USH2A: variants seen among roughly 807,000 people sequenced by gnomAD.
USH2A encodes the protein Usher syndrome 2A (autosomal recessive, mild).
A neutral mutation model predicts 538.9 loss-of-function variants in USH2A; 443 were observed. The ratio of observed to expected loss-of-function variants is 0.82; its 90% CI spans 0.76 to 0.89. USH2A has a LOEUF of 0.89. Ranked by LOEUF, USH2A falls within the 40% of genes least tolerant of loss-of-function variation. The pLI is 0.00. For missense variants in USH2A, 6,633 were observed against 6,324.8 expected (o/e 1.05, Z -1.65); for synonymous variants, 2,413 against 2,273.5 (o/e 1.06, Z -1.75).
intron 4 of USH2A, among the ~76,000 whole-genome samples, chr1:216,329,700 A>G (rs2037816297): frequency 6.6e-6 from 1 of 151,928 alleles, no homozygotes; most frequent in Admixed American, 6.6e-5. Flanking sequence ...CTCTGCTTCC[A>G]ATTTTTCTGC....
At chr1:215,928,507 CCAAT>C (rs1275720084) in intron 38 of USH2A, among the ~76,000 whole-genome samples, 1 of 152,026 alleles carries the variant, frequency 6.6e-6, no homozygotes, top group African/African-American at 2.4e-5. Context: ...AATCTAAAAA[CCAAT>C]CACTTAGACA....
chr1:215,897,416 G>A (rs1665376472), intron 40 of USH2A, among the ~76,000 whole-genome samples: 1 of 152,158 alleles, frequency 6.6e-6, no homozygotes, highest in East Asian at 1.9e-4. Flanking sequence ...GTTGGGTGAG[G>A]TGGCTCACAC....
intron 38 of USH2A, among the ~76,000 whole-genome samples, chr1:215,917,746 C>T (rs1299403242): frequency 4.1e-5 from 5 of 123,066 alleles, no homozygotes; most frequent in Admixed American, 2.2e-4. Flanking sequence ...GAGTTTGAGA[C>T]GAGTCTGAGT....
chr1:216,186,437 C>T (rs2034605952), intron 20 of USH2A, among the ~76,000 whole-genome samples: 1 of 151,814 alleles, frequency 6.6e-6, no homozygotes, highest in Non-Finnish European at 1.5e-5. Flanking sequence ...TCTCTCTTCC[C>T]TTGACTTTTC....
At chr1:215,900,243 G>T in intron 39 of USH2A, 26 bp from the exon 40 acceptor site, 3 of 1,612,236 alleles carry the variant, frequency 1.9e-6, no homozygotes, top group East Asian at 2.2e-5. Flanking sequence ...ATGTCAATTA[G>T]GAAGTTTTCG....
chr1:216,357,707 C>T (rs1053408693), intron 4 of USH2A, among the ~76,000 whole-genome samples: 5 of 152,142 alleles, frequency 3.3e-5, no homozygotes, highest in South Asian at 2.1e-4. Context: ...CACCTTTAAT[C>T]GGCAACTAGA....
Position 215,648,417 on chromosome 1 carries a change from C to G in USH2A, c.14582+111G>C, listed in dbSNP as rs1571929146. On this transcript the variant is annotated intron_variant, in intron 66 of 71. Transcript: ENST00000307340. ...ATAAGCAAGTCCTCCCTGGGGAGTG[C>G]CAGGTAGCTATACAGGTTTGTAGCC... is the stretch of plus-strand genomic sequence containing the variant. The G allele has an allele frequency of 5.3e-6, 6 of 1,141,292 alleles. No individual in the cohort carries two copies. The East Asian group carries it at 1.4e-4, about 27-fold the overall frequency. The allele number at this position is 1,141,292 out of a possible 1,614,324, so 70.7% of individuals were successfully genotyped here. A position where few individuals can be genotyped will look rare whatever the true frequency, so the allele number is the denominator to read the frequency against.
intron 19 of USH2A, 146 bp downstream of exon 19, chr1:216,196,407 T>G: frequency 1.3e-6 from 1 of 785,542 alleles, no homozygotes; most frequent in Non-Finnish European, 2.1e-6. Context: ...GAGGGAGGCT[T>G]GTACACATAA....
chr1:216,277,231 C>T (rs2036687291), intron 11 of USH2A, among the ~76,000 whole-genome samples: 1 of 152,096 alleles, frequency 6.6e-6, no homozygotes. Context: ...TCTCCCAGCC[C>T]CCTCCTCTGG....
chr1:215,974,648 G>A (rs1667580117), intron 35 of USH2A, among the ~76,000 whole-genome samples: 2 of 152,118 alleles, frequency 1.3e-5, no homozygotes, highest in Admixed American at 6.6e-5. Flanking sequence ...CTTCATAGAT[G>A]TTGCTGCAAA....
Position 215,799,068 on chromosome 1 carries a change from G to A in USH2A, c.9797C>T (p.Ser3266Phe). The A allele has an allele frequency of 6.2e-7, 1 of 1,614,028 alleles. No individual in the cohort carries two copies. The highest frequency in any genetic ancestry group is 8.5e-7 in the Non-Finnish European group (1 of 1,179,988). ...GGAGTACGGCATTCTGCCACAGCAG[G>A]AATCACCAATGCCAACAGAAACCCG... The part of the protein sequence containing the change: ...HNRVSVGIGD[S>F]CCGRMPYSTS... Residue 3266 changes from serine (S) to phenylalanine (F), a missense_variant, in exon 50 of 72, where the codon TCC becomes TTC. By Grantham distance (155) the Ser-to-Phe change is radical (BLOSUM62 -2). Coordinates refer to ENST00000307340, the MANE Select transcript of USH2A (RefSeq NM_206933.4).
intron 13 of USH2A, among the ~76,000 whole-genome samples, chr1:216,245,518 A>AGAGAGAGG: frequency 6.8e-6 from 1 of 147,532 alleles, no homozygotes; most frequent in African/African-American, 2.5e-5. Flanking sequence ...AGAGAGAGAG[A>AGAGAGAGG]CAAATGAATA....
intron 3 of USH2A, among the ~76,000 whole-genome samples, chr1:216,403,941 T>C (rs1245670671): frequency 6.6e-6 from 1 of 152,102 alleles, no homozygotes; most frequent in Admixed American, 6.5e-5. Context: ...CTCTTCTCTC[T>C]CCTGACGCCA....
intron 20 of USH2A, among the ~76,000 whole-genome samples, chr1:216,179,626 T>G (rs962716751): frequency 6.6e-6 from 1 of 152,146 alleles, no homozygotes; most frequent in Non-Finnish European, 1.5e-5. Flanking sequence ...TTCAGAGTTC[T>G]TCTAAGGCTG....
chr1:215,803,641 A>G (rs1358979793), intron 49 of USH2A, among the ~76,000 whole-genome samples: 21 of 152,200 alleles, frequency 1.4e-4, no homozygotes, highest in Admixed American at 1.4e-3. Flanking sequence ...AGAGGATACA[A>G]ACAAATGGAA....
intron 44 of USH2A, among the ~76,000 whole-genome samples, chr1:215,863,585 ACT>A (rs1664387533): frequency 6.6e-6 from 1 of 152,138 alleles, no homozygotes; most frequent in Non-Finnish European, 1.5e-5. Flanking sequence ...TCCAGAGTTC[ACT>A]GAGTGCTCAG....
intron 60 of USH2A, among the ~76,000 whole-genome samples, chr1:215,732,708 A>AT (rs1421529081): frequency 4.0e-5 from 6 of 150,974 alleles, no homozygotes; most frequent in Non-Finnish European, 5.9e-5. Flanking sequence ...TGCCTGGCTA[A>AT]TTTTTTGTAT....
At position 216,000,520 on chromosome 1, in the gene USH2A, C is replaced by T; in HGVS notation, c.6368G>A (p.Cys2123Tyr). ...FTPHQFLLSA[C>Y]THVGCTNSSW... ...ACTGTTTGTACAGCCCACATGTGTG[C>T]ATGCACTTAGTAGAAACTGGTGGGG... The change falls in exon 33 of 72, where the codon TGC becomes TAC. Residue 2123 changes from cysteine to tyrosine, a missense_variant. Transcript: ENST00000307340. 6.2e-7 allele frequency: 1 copy of T among 1,613,626 alleles called. No individual in the cohort carries two copies. The highest frequency in any genetic ancestry group is 8.5e-7 in the Non-Finnish European group (1 of 1,179,678).
intron 6 of USH2A, among the ~76,000 whole-genome samples, chr1:216,324,891 C>T (rs2037698146): frequency 6.6e-6 from 1 of 152,068 alleles, no homozygotes; most frequent in South Asian, 2.1e-4. Flanking sequence ...GTACTACTGT[C>T]CAAACCTGTA....
Sources: allele counts gnomAD v4.1 joint callset (sites outside exome capture counted in the v4.1 genomes callset), GRCh38; gene constraint gnomAD v4.1.1; transcripts MANE v1.5; gene names NCBI Gene and HGNC (gene_info 2026-07-23, HGNC 2026-07-21).